ZNF420: variants seen among roughly 807,000 people sequenced by gnomAD.
The protein encoded by ZNF420 is ATM and p53-associated KZNF protein.
A neutral mutation model predicts 44.7 loss-of-function variants in ZNF420; 31 were observed. That is an observed-to-expected ratio of 0.69 (90% CI 0.52 to 0.94). ZNF420 has a LOEUF of 0.94. ZNF420 is among the 40% of genes least tolerant of loss of function. ZNF420 has a pLI of 0.00. For synonymous variants in ZNF420, 245 were observed against 267.4 expected, an observed-to-expected ratio of 0.92 and a Z score of 0.82; for missense variants, 681 against 827.9, an observed-to-expected ratio of 0.82 and a Z score of 2.18.
At chr19:37,035,340 T>G (rs1194421034) in intron 1 of ZNF420, among the ~76,000 whole-genome samples, 2 of 152,234 alleles carry the variant, frequency 1.3e-5, no homozygotes, top group Non-Finnish European at 2.9e-5. Flanking sequence ...TCTTTAAAAT[T>G]TTAATATGCT....
intron 1 of ZNF420, among the ~76,000 whole-genome samples, chr19:37,061,144 G>A (rs553578805): frequency 6.6e-6 from 1 of 152,072 alleles, no homozygotes; most frequent in African/African-American, 2.4e-5. Flanking sequence ...CCATCGCCCC[G>A]TATGCCCTCT....
intron 1 of ZNF420, among the ~76,000 whole-genome samples, chr19:37,009,137 C>A (rs1283146234): frequency 6.6e-6 from 1 of 152,150 alleles, no homozygotes; most frequent in Non-Finnish European, 1.5e-5. Flanking sequence ...TAAGGGACAT[C>A]TGCTTCCTCT....
chr19:37,107,950 G>GACTC (rs1183271097), intron 4 of ZNF420, among the ~76,000 whole-genome samples: 2 of 152,000 alleles, frequency 1.3e-5, no homozygotes, highest in African/African-American at 4.8e-5. Context: ...GTGATGCTCA[G>GACTC]ACTCATTATA....
intron 1 of ZNF420, among the ~76,000 whole-genome samples, chr19:37,014,814 G>A (rs1452904799): frequency 6.6e-6 from 1 of 152,162 alleles, no homozygotes; most frequent in African/African-American, 2.4e-5. Context: ...TTGGGCTGAT[G>A]TCTCTCCTCT....
chr19:37,108,112 T>A (rs1010844513), intron 4 of ZNF420, among the ~76,000 whole-genome samples: 2 of 152,206 alleles, frequency 1.3e-5, no homozygotes, highest in Non-Finnish European at 2.9e-5. Context: ...GATTGTGAAT[T>A]CCACCATCTT....
At chr19:37,012,662 C>G (rs530266545) in intron 1 of ZNF420, among the ~76,000 whole-genome samples, 1 of 152,106 alleles carries the variant, frequency 6.6e-6, no homozygotes. Context: ...CCTGTGTGCC[C>G]GTGGGCTGCT....
rs1381441033 is a variant in ZNF420 at position 37,129,117 on chromosome 19, T to TTC, written c.*62_*63dup. 9 of 1,548,230 alleles carry TTC rather than the reference T, an allele frequency of 5.8e-6. No homozygotes were observed. In the African/African-American group the frequency reaches 1.1e-4, roughly 19 times the overall value. On this transcript the variant is annotated 3_prime_UTR_variant, in exon 5 of 5. Transcript: ENST00000337995. ...TTCTCTGGTTGTTAGCAGCAAAGAA[T>TTC]TCTCACAAATGTGAATATGGGCGCA...
intron 1 of ZNF420, among the ~76,000 whole-genome samples, chr19:37,063,859 T>C (rs1967921546): frequency 6.6e-6 from 1 of 152,244 alleles, no homozygotes; most frequent in Non-Finnish European, 1.5e-5. Flanking sequence ...TGCCATTAAC[T>C]GGATAGCATG....
chr19:37,127,866 C>A lies in ZNF420; in HGVS notation c.875C>A (p.Ser292Ter). 1 of 1,613,988 alleles carries A rather than the reference C, an allele frequency of 6.2e-7. No homozygotes were observed. Among genetic ancestry groups the A allele is most frequent in the South Asian group, 1.1e-5 (1 of 91,068 alleles). The change falls in exon 5 of 5, where the codon TCA becomes TAA. Residue 292 changes from serine (S) to a stop codon, truncating the protein, a stop_gained. Coordinates refer to ENST00000337995, the MANE Select transcript of ZNF420 (RefSeq NM_144689.5). LOFTEE classifies it high-confidence loss of function. ...KECRKVFTQL[S>*]QLILHKRIHT... ...TGTAGGAAGGTCTTTACTCAGCTCT[C>A]ACAACTTATTCTGCATAAGAGAATT...
intron 2 of ZNF420, among the ~76,000 whole-genome samples, chr19:37,086,709 T>A (rs1446883063): frequency 6.6e-6 from 1 of 152,204 alleles, no homozygotes; most frequent in African/African-American, 2.4e-5. Flanking sequence ...GATGAGTTGA[T>A]CCTCCTTATT....
At chr19:37,082,505 T>C (rs1968523123) in intron 2 of ZNF420, among the ~76,000 whole-genome samples, 1 of 152,228 alleles carries the variant, frequency 6.6e-6, no homozygotes, top group African/African-American at 2.4e-5. Context: ...AGTCCATTTA[T>C]ATTTAGTGTG....
At chr19:37,046,190 G>A (rs1052388407) in intron 1 of ZNF420, among the ~76,000 whole-genome samples, 1 of 152,120 alleles carries the variant, frequency 6.6e-6, no homozygotes, top group African/African-American at 2.4e-5. Context: ...TGGAGAGACT[G>A]GATCAACAAG....
At chr19:37,125,692 C>A (rs2145337445) in intron 4 of ZNF420, among the ~76,000 whole-genome samples, 1 of 152,250 alleles carries the variant, frequency 6.6e-6, no homozygotes, top group Admixed American at 6.5e-5. Flanking sequence ...CTAGACATCA[C>A]AAAGAAAAGT....
intron 1 of ZNF420, among the ~76,000 whole-genome samples, chr19:37,028,857 A>G (rs1360233283): frequency 2.0e-5 from 3 of 152,224 alleles, no homozygotes; most frequent in South Asian, 2.1e-4. Flanking sequence ...GCCAGGTCAG[A>G]TAAGCTGCCT....
intron 4 of ZNF420, among the ~76,000 whole-genome samples, chr19:37,101,330 A>C (rs1969766077): frequency 2.6e-5 from 4 of 152,104 alleles, no homozygotes; most frequent in Admixed American, 2.6e-4. Context: ...CCCCATTTCT[A>C]CTAAAAATAC....
At chr19:37,020,549 C>T (rs1011362218) in intron 1 of ZNF420, among the ~76,000 whole-genome samples, 3 of 152,192 alleles carry the variant, frequency 2.0e-5, no homozygotes, top group Admixed American at 6.5e-5. Flanking sequence ...CTGTCTTTGA[C>T]GGTCAAGCTG....
Position 37,086,085 on chromosome 19 carries a change from C to T in ZNF420, c.-80-2954C>T, listed in dbSNP as rs189264191. On this transcript the variant is annotated intron_variant, in intron 2 of 4. Transcript: ENST00000337995. ...CCCAAGTGCTGGGGTTGCTTACAGG[C>T]ATGAGCCACCGTGCCCAGCCAGGCC... 9.9e-5 allele frequency among the ~76,000 whole-genome samples: 15 copies of T among 152,062 alleles called. No individual in the cohort carries two copies. In the East Asian group the frequency reaches 2.9e-3, roughly 29 times the overall value.
At chr19:37,022,322 G>T (rs940713360) in intron 1 of ZNF420, among the ~76,000 whole-genome samples, 1 of 151,316 alleles carries the variant, frequency 6.6e-6, no homozygotes, top group South Asian at 2.1e-4. Flanking sequence ...ATAATATTTG[G>T]TTAATTTCTA....
upstream of ZNF420, among the ~76,000 whole-genome samples, chr19:37,073,689 G>C (rs1428058748): frequency 6.7e-6 from 1 of 148,748 alleles, no homozygotes; most frequent in African/African-American, 2.5e-5. Flanking sequence ...GCAGTGAGCC[G>C]AGCCGAGATC....
Sources: gnomAD v4.1 joint callset for allele counts (sites outside exome capture counted in the v4.1 genomes callset) on GRCh38, gnomAD v4.1.1 for gene constraint, MANE v1.5 for transcripts, NCBI Gene and HGNC (gene_info 2026-07-23, HGNC 2026-07-21) for gene names.